RWDD4: variants seen among roughly 807,000 people sequenced by gnomAD.
RWDD4 encodes RWD domain-containing protein 4.
A neutral mutation model predicts 30.0 loss-of-function variants in RWDD4; 16 were observed. The observed-to-expected ratio is 0.53, with a 90% confidence interval of 0.36 to 0.81. RWDD4 has a LOEUF of 0.81. Ranked by LOEUF, RWDD4 falls within the 30% of genes least tolerant of loss-of-function variation. RWDD4 has a pLI of 0.00. For synonymous variants in RWDD4, 45 were observed against 72.1 expected (o/e 0.62, Z 1.90); for missense variants, 170 against 223.9 (o/e 0.76, Z 1.54).
At chr4:183,649,737 T>C (rs1388182731) in intron 4 of RWDD4, among the ~76,000 whole-genome samples, 169 bp from the exon 5 acceptor site, 1 of 152,202 alleles carries the variant, frequency 6.6e-6, no homozygotes, top group Non-Finnish European at 1.5e-5. Context: ...ATTATTGGTT[T>C]TACTCTTTTA....
At chr4:183,655,647 G>C (rs2111252404) in intron 2 of RWDD4, among the ~76,000 whole-genome samples, 1 of 152,190 alleles carries the variant, frequency 6.6e-6, no homozygotes, top group African/African-American at 2.4e-5. Context: ...TCCATTTCTA[G>C]TATCTTATGA....
In RWDD4 at chr4:183,655,981, G is replaced by C. The variant is rs1416939230; in HGVS notation, c.25-20C>G. Reference sequence around the variant, plus strand: ...TTCCATCTGAAATAAAGAACTGAATGAGTTTTGTTTAGTGGTATAAATGAA... The same window carrying C: ...TTCCATCTGAAATAAAGAACTGAATCAGTTTTGTTTAGTGGTATAAATGAA... On this transcript the variant is annotated intron_variant, in intron 1 of 7. Coordinates refer to ENST00000326397, the MANE Select transcript of RWDD4 (RefSeq NM_152682.4). 2 of 1,538,264 alleles carry C rather than the reference G, an allele frequency of 1.3e-6. No individual in the cohort carries two copies. Among genetic ancestry groups the C allele is most frequent in the Non-Finnish European group, 1.8e-6 (2 of 1,114,462 alleles).
chr4:183,654,030 G>A (rs957016215), intron 2 of RWDD4, among the ~76,000 whole-genome samples: 1 of 152,214 alleles, frequency 6.6e-6, no homozygotes, highest in African/African-American at 2.4e-5. Context: ...GAGAAGGCCT[G>A]AGTTAGGCCT....
rs1314739178 is a variant in RWDD4 at position 183,641,394 on chromosome 4, ACT to A, written c.*40_*41del. 6.7e-7 allele frequency: 1 copy of A among 1,503,740 alleles called. No individual in the cohort carries two copies. The highest frequency in any genetic ancestry group is 1.4e-5 in the African/African-American group (1 of 72,034). The allele number at this position is 1,503,740 out of a possible 1,614,324, so 93.1% of individuals were successfully genotyped here. On this transcript the variant is annotated 3_prime_UTR_variant, in exon 8 of 8. Transcript: ENST00000326397. ...AATGAAAGATTTTGAACCCAGTTTT[ACT>A]CTTTAAAGAATGCTCTTTCCTTGTC...
intron 2 of RWDD4, among the ~76,000 whole-genome samples, chr4:183,652,495 C>T (rs564811717): frequency 8.2e-6 from 1 of 121,336 alleles, no homozygotes; most frequent in Non-Finnish European, 1.7e-5. Context: ...GAGTCTGTGG[C>T]AAAAGTAAAA....
chr4:183,651,553 G>A (rs1734077044), intron 2 of RWDD4, among the ~76,000 whole-genome samples: 2 of 152,146 alleles, frequency 1.3e-5, no homozygotes, highest in South Asian at 2.1e-4. Flanking sequence ...TTCAGTTTAT[G>A]CCCATGTCCT....
In RWDD4 at chr4:183,659,041, C is replaced by T; in HGVS notation, c.-89G>A. Reference sequence around the variant, plus strand: ...CAGCGGCCCAGAGGCCGGGCGTCCCCCTTTCGCGCCTCGGCTGTGGGGGCG... The same window carrying T: ...CAGCGGCCCAGAGGCCGGGCGTCCCTCTTTCGCGCCTCGGCTGTGGGGGCG... On this transcript the variant is annotated 5_prime_UTR_variant, in exon 1 of 8. Transcript: ENST00000326397. 9.8e-7 allele frequency: 1 copy of T among 1,019,968 alleles called. No individual in the cohort carries two copies. Among genetic ancestry groups the T allele is most frequent in the Non-Finnish European group, 1.3e-6 (1 of 794,032 alleles). 63.2% of individuals were successfully genotyped at this position (1,019,968 alleles called of 1,614,324 possible). A position where few individuals can be genotyped will look rare whatever the true frequency, so the allele number is the denominator to read the frequency against.
intron 5 of RWDD4, 30 bp from the exon 6 acceptor site, chr4:183,646,567 CTA>C: frequency 1.3e-6 from 2 of 1,581,832 alleles, no homozygotes; most frequent in Non-Finnish European, 1.7e-6. Context: ...AACTTTATTT[CTA>C]AGACCAACCA....
In RWDD4 at chr4:183,655,942, C is replaced by T. The variant is rs1385617316; in HGVS notation, c.44G>A (p.Arg15His). 2.5e-6 allele frequency: 4 copies of T among 1,609,794 alleles called. No homozygotes were observed. The highest frequency in any genetic ancestry group is 1.3e-5 in the African/African-American group (1 of 74,902). Residue 15 changes from arginine (R) to histidine (H), a missense_variant, in exon 2 of 8, where the codon CGC (arginine) becomes CAC (histidine). Physicochemically the swap from Arg to His is conservative, Grantham distance 29 (BLOSUM62 0). Transcript: ENST00000326397. ...EDQEMELEAL[R>H]SIYEGDESFR... ...ACTTTCATCTCCTTCATAAATAGAG[C>T]GTAATGCTTCTAGTTCCATCTGAAA...
At chr4:183,655,485 C>T (rs556186686) in intron 2 of RWDD4, among the ~76,000 whole-genome samples, 3 of 152,112 alleles carry the variant, frequency 2.0e-5, no homozygotes, top group Admixed American at 6.5e-5. Flanking sequence ...GGGGTTTCAC[C>T]ATGTTGGCCA....
intron 5 of RWDD4, among the ~76,000 whole-genome samples, chr4:183,647,425 C>A (rs922156035): frequency 6.6e-6 from 1 of 152,142 alleles, no homozygotes; most frequent in African/African-American, 2.4e-5. Context: ...CAAGAAGAAT[C>A]GTATCCCCCT....
chr4:183,652,871 C>A (rs1203957378), intron 2 of RWDD4, among the ~76,000 whole-genome samples: 1 of 148,808 alleles, frequency 6.7e-6, no homozygotes, highest in South Asian at 2.1e-4. Context: ...GAGCTACAGG[C>A]GTGTGCCCCA....
At chr4:183,652,699 G>A (rs1276830061) in intron 2 of RWDD4, among the ~76,000 whole-genome samples, 4 of 151,568 alleles carry the variant, frequency 2.6e-5, no homozygotes, top group Non-Finnish European at 4.4e-5. Context: ...AGTCCCAGCT[G>A]CTCAGGAGGC....
Position 183,651,032 on chromosome 4 carries a change from T to C in RWDD4, c.315A>G (p.Lys105=), listed in dbSNP as rs1734063512. The stretch of plus-strand genomic sequence containing the variant: ...TCTCCATGAACTGCTCTTTATTGTC[T>C]TTGGCATATTCAAACAATGTATAGG... ...AMTYTLFEYA[K]DNKEQFMENH... The change falls in exon 4 of 8, where the codon AAA becomes AAG. Residue 105 remains lysine, a synonymous_variant. Coordinates refer to ENST00000326397, the MANE Select transcript of RWDD4 (RefSeq NM_152682.4). The C allele has an allele frequency of 6.2e-7, 1 of 1,613,090 alleles. No individual in the cohort carries two copies. The highest frequency in any genetic ancestry group is 1.3e-5 in the African/African-American group (1 of 74,918).
At chr4:183,652,824 G>GA (rs889538258) in intron 2 of RWDD4, among the ~76,000 whole-genome samples, 1 of 147,398 alleles carries the variant, frequency 6.8e-6, no homozygotes, top group African/African-American at 2.6e-5. Context: ...AAAAAAAAAA[G>GA]AAAGAAATCC....
rs1734062059 is a variant in RWDD4, at chr4:183,650,978, A to G, written c.363+6T>C. ...GAATCCGGCAAAAAAATAATCACAT[A>G]CTCACTGCGGAATTGATGGGATTGT... On this transcript the variant is annotated splice_donor_region_variant and intron_variant, in intron 4 of 7. Transcript: ENST00000326397. The G allele has an allele frequency of 1.9e-6, 3 of 1,606,842 alleles. No individual in the cohort carries two copies. The highest frequency in any genetic ancestry group is 2.5e-6 in the Non-Finnish European group (3 of 1,176,868).
chr4:183,651,648 A>G (rs78357733), intron 2 of RWDD4, among the ~76,000 whole-genome samples: 5,240 of 152,332 alleles, frequency 0.034, 164 homozygotes, highest in East Asian at 0.12. Flanking sequence ...AAAATAAGAC[A>G]TCAACTTATC....
intron 5 of RWDD4, among the ~76,000 whole-genome samples, chr4:183,648,347 T>C (rs546959159): frequency 6.6e-6 from 1 of 151,896 alleles, no homozygotes; most frequent in South Asian, 2.1e-4. Context: ...CATAGATACA[T>C]ACATAAGTGT....
rs765388583 is a variant in RWDD4 at position 183,651,210 on chromosome 4, C to T, written c.215+8G>A. ...AATGAAAAGCAGTAAAAACAAGACA[C>T]TACTCACATGGTGTTGTTAAAAAAA... On this transcript the variant is annotated splice_region_variant and intron_variant, in intron 3 of 7. Transcript: ENST00000326397. 4 of 1,613,246 alleles carry T rather than the reference C, an allele frequency of 2.5e-6. No homozygotes were observed. The South Asian group carries it at 4.4e-5, about 18-fold the overall frequency.
Sources: gnomAD v4.1 joint callset for allele counts (sites outside exome capture counted in the v4.1 genomes callset) on GRCh38, gnomAD v4.1.1 for gene constraint, MANE v1.5 for transcripts, NCBI Gene and HGNC (gene_info 2026-07-23, HGNC 2026-07-21) for gene names.